SMC5: variants seen among roughly 807,000 people sequenced by gnomAD.
The protein encoded by SMC5 is structural maintenance of chromosomes 5.
Under a neutral mutation model 148.3 loss-of-function variants are expected in SMC5, and 88 were observed. That is an observed-to-expected ratio of 0.59 (90% CI 0.50 to 0.71). The LOEUF is 0.71. Among genes scored for constraint, SMC5 ranks in the 30% least tolerant of loss-of-function variants. The pLI, the probability that SMC5 is intolerant of heterozygous loss-of-function variation, is 0.00. For missense variants in SMC5, 1,142 were observed against 1,298.9 expected (o/e 0.88, Z 1.86); for synonymous variants, 421 against 432.8 (o/e 0.97, Z 0.34).
chr9:70,275,103 A>G (rs1008749730), intron 3 of SMC5, among the ~76,000 whole-genome samples: 6 of 152,152 alleles, frequency 3.9e-5, no homozygotes, highest in African/African-American at 1.4e-4. Flanking sequence ...TTAATCTGAA[A>G]ACGATATTAT....
chr9:70,350,355 A>G, intron 23 of SMC5, 21 bp from the exon 24 acceptor site: 1 of 1,610,370 alleles, frequency 6.2e-7, no homozygotes, highest in Non-Finnish European at 8.5e-7. Flanking sequence ...AAATGTAATC[A>G]TTATTGTTGC....
At chr9:70,325,101 G>A (rs2036045198) in intron 17 of SMC5, among the ~76,000 whole-genome samples, 1 of 152,112 alleles carries the variant, frequency 6.6e-6, no homozygotes, top group Admixed American at 6.5e-5. Context: ...CTGGAGTTTG[G>A]GAAGTTGGGC....
chr9:70,346,368 T>C, intron 18 of SMC5: 1 of 566,334 alleles, frequency 1.8e-6, no homozygotes, highest in Non-Finnish European at 3.1e-6. Context: ...TATATAGCCT[T>C]TGCAGGTTGT....
At chr9:70,339,391 T>C (rs930228890) in intron 17 of SMC5, among the ~76,000 whole-genome samples, 12 of 149,502 alleles carry the variant, frequency 8.0e-5, no homozygotes, top group Non-Finnish European at 1.6e-4. Context: ...ATCACACCAC[T>C]GCACTCCAGC....
intron 1 of SMC5, among the ~76,000 whole-genome samples, chr9:70,262,793 G>C (rs1256027713): frequency 6.6e-6 from 1 of 152,164 alleles, no homozygotes; most frequent in Non-Finnish European, 1.5e-5. Context: ...ATGATAAGAG[G>C]GTGGGTCTTT....
intron 17 of SMC5, among the ~76,000 whole-genome samples, chr9:70,324,602 G>A (rs968993638): frequency 2.6e-5 from 4 of 152,026 alleles, no homozygotes; most frequent in South Asian, 2.1e-4. Flanking sequence ...CTATTCTGAC[G>A]CTAACCATCC....
chr9:70,282,992 T>C (rs1173836302), intron 7 of SMC5, among the ~76,000 whole-genome samples: 1 of 152,224 alleles, frequency 6.6e-6, no homozygotes, highest in East Asian at 1.9e-4. Flanking sequence ...AAAGTATAAC[T>C]AGATATTTTT....
intron 8 of SMC5, among the ~76,000 whole-genome samples, chr9:70,292,308 G>T (rs2035084508): frequency 6.6e-6 from 1 of 152,072 alleles, no homozygotes; most frequent in Non-Finnish European, 1.5e-5. Context: ...CTATGAACAT[G>T]GTCTGTCTCT....
chr9:70,337,651 A>G (rs768628489), intron 17 of SMC5, among the ~76,000 whole-genome samples: 7 of 151,758 alleles, frequency 4.6e-5, no homozygotes, highest in Non-Finnish European at 8.8e-5. Context: ...TTTAGTAGAG[A>G]TCGTGTTTCA....
chr9:70,269,305 A>G (rs1280800688), intron 3 of SMC5, among the ~76,000 whole-genome samples: 1 of 152,182 alleles, frequency 6.6e-6, no homozygotes. Flanking sequence ...ATGTCAGACC[A>G]GGTGCAGTGG....
At chr9:70,301,936 C>T (rs1339543049) in intron 10 of SMC5, among the ~76,000 whole-genome samples, 2 of 152,178 alleles carry the variant, frequency 1.3e-5, no homozygotes, top group African/African-American at 4.8e-5. Context: ...CCTATATCTA[C>T]CTATCTTTAT....
At chr9:70,280,989 AG>A in intron 6 of SMC5, 90 bp downstream of exon 6, 2 of 1,425,984 alleles carry the variant, frequency 1.4e-6, no homozygotes. Context: ...TATTCAAGTT[AG>A]GTGCTTCTTT....
In SMC5 at chr9:70,346,154, A is replaced by G. The variant is rs539975450; in HGVS notation, c.2524-451A>G. ...TCACCATCTTAAATTTAAGATGCCTATTAGAGTCAAGTGAGGATATCGAGT... is the reference window on the plus strand; with the variant it reads ...TCACCATCTTAAATTTAAGATGCCTGTTAGAGTCAAGTGAGGATATCGAGT... On this transcript the variant is annotated intron_variant, in intron 18 of 24. Coordinates refer to ENST00000361138, the MANE Select transcript of SMC5 (RefSeq NM_015110.4). Among the ~76,000 whole-genome samples, 9 of 152,332 alleles carry G rather than the reference A, an allele frequency of 5.9e-5. No homozygotes were observed. The South Asian group carries it at 1.4e-3, about 25-fold the overall frequency.
intron 10 of SMC5, among the ~76,000 whole-genome samples, chr9:70,302,685 TAAAC>T (rs890730888): frequency 3.9e-4 from 59 of 151,670 alleles, no homozygotes; most frequent in African/African-American, 3.4e-4. Context: ...AATAAATAAA[TAAAC>T]AAACAAATAA....
At chr9:70,320,164 A>G (rs1324812467) in intron 15 of SMC5, among the ~76,000 whole-genome samples, 1 of 152,236 alleles carries the variant, frequency 6.6e-6, no homozygotes, top group African/African-American at 2.4e-5. Context: ...TCCTTGAAAC[A>G]ACATTTATAC....
chr9:70,345,544 A>G (rs570468142), intron 18 of SMC5, among the ~76,000 whole-genome samples: 27 of 152,228 alleles, frequency 1.8e-4, no homozygotes, highest in African/African-American at 6.5e-4. Context: ...GATGTCAGGC[A>G]AAAGTATTCC....
In SMC5 at chr9:70,346,621, C is replaced by T; in HGVS notation, c.2540C>T (p.Pro847Leu). The T allele has an allele frequency of 6.2e-7, 1 of 1,614,026 alleles. No individual in the cohort carries two copies. The highest frequency in any genetic ancestry group is 8.5e-7 in the Non-Finnish European group (1 of 1,179,930). The change falls in exon 19 of 25, where the codon CCA (proline) becomes CTA (leucine). Residue 847 changes from proline to leucine, a missense_variant. Pro to Leu is a moderately conservative substitution (Grantham distance 98). Around this residue, in one of 5 missense-constraint regions of SMC5, gnomAD observed 743 missense variants for 835.7 expected, o/e 0.89. Transcript: ENST00000361138. Reference sequence around the variant, plus strand: ...CCAATTCAGCAAGTACCCACCATTCCAAATGGACACAACTCCTCACTCCCC... The same window carrying T: ...CCAATTCAGCAAGTACCCACCATTCTAAATGGACACAACTCCTCACTCCCC... ...QEYQTQVPTI[P>L]NGHNSSLPMV...
In SMC5 at chr9:70,264,456, A is replaced by G. The variant is rs749045057; in HGVS notation, c.327+11A>G. The G allele has an allele frequency of 4.3e-6, 7 of 1,610,860 alleles. No homozygotes were observed. The South Asian group carries it at 4.4e-5, about 10-fold the overall frequency. ...GGACGAGCAGATAAGGTGAGTTAAT[A>G]TAATTACTTTTTAAGAAATTTCAAA... On this transcript the variant is annotated intron_variant, in intron 2 of 24. Coordinates refer to ENST00000361138, the MANE Select transcript of SMC5 (RefSeq NM_015110.4).
chr9:70,287,857 G>C (rs1426924196), intron 8 of SMC5, among the ~76,000 whole-genome samples: 1 of 152,076 alleles, frequency 6.6e-6, no homozygotes, highest in South Asian at 2.1e-4. Flanking sequence ...TTATTTTTTA[G>C]AAGGAATAAT....
Sources: allele counts gnomAD v4.1 joint callset (sites outside exome capture counted in the v4.1 genomes callset), GRCh38; gene constraint gnomAD v4.1.1; regional missense constraint gnomAD v4.1.1; transcripts MANE v1.5; gene names NCBI Gene and HGNC (gene_info 2026-07-23, HGNC 2026-07-21).